USP4: variants seen among roughly 807,000 people sequenced by gnomAD.
USP4 encodes ubiquitin carboxyl-terminal hydrolase 4.
USP4 carries 72 observed loss-of-function variants against 118.2 expected under a neutral mutation model. The ratio of observed to expected loss-of-function variants is 0.61; its 90% CI spans 0.50 to 0.74. USP4 has a LOEUF of 0.74. Ranked by LOEUF, USP4 falls within the 30% of genes least tolerant of loss-of-function variation. USP4 has a pLI of 0.00. For missense variants in USP4, 1,037 were observed against 1,185.7 expected (o/e 0.87, Z 1.84); for synonymous variants, 415 against 440.4 (o/e 0.94, Z 0.72).
chr3:49,325,252 T>C (rs2047540399), intron 4 of USP4, among the ~76,000 whole-genome samples: 2 of 152,064 alleles, frequency 1.3e-5, no homozygotes, highest in African/African-American at 4.8e-5. Flanking sequence ...CTAACGTGTG[T>C]CTCTCATTTA....
intron 15 of USP4, among the ~76,000 whole-genome samples, chr3:49,288,116 C>T (rs2047118529): frequency 6.6e-6 from 1 of 152,200 alleles, no homozygotes; most frequent in Non-Finnish European, 1.5e-5. Flanking sequence ...ATGGAGGTTC[C>T]TTTCCGAACT....
chr3:49,315,738 C>T (rs925853136), intron 6 of USP4, among the ~76,000 whole-genome samples: 2 of 152,154 alleles, frequency 1.3e-5, no homozygotes, highest in Non-Finnish European at 2.9e-5. Context: ...ACAACTCAAA[C>T]GTGTGCCTGA....
intron 2 of USP4, among the ~76,000 whole-genome samples, chr3:49,330,840 C>T (rs1456786982): frequency 1.3e-5 from 2 of 151,334 alleles, no homozygotes; most frequent in Non-Finnish European, 1.5e-5. Flanking sequence ...GAAACCCCGT[C>T]TCTACTAAAA....
At chr3:49,279,446 A>C (rs984701345) in intron 20 of USP4, among the ~76,000 whole-genome samples, 1 of 149,740 alleles carries the variant, frequency 6.7e-6, no homozygotes, top group Non-Finnish European at 1.5e-5. Flanking sequence ...TCCATATCCA[A>C]AAAAAAAAAA....
At chr3:49,312,929 T>G (rs2107789449) in intron 6 of USP4, 1 of 144,788 alleles carries the variant, frequency 6.9e-6, no homozygotes, top group East Asian at 2.1e-4. Flanking sequence ...TCTCATTCTC[T>G]CGCCAGGCTG....
chr3:49,292,655 T>A (rs1220862460), intron 14 of USP4, 57 bp from the exon 15 acceptor site: 10 of 1,255,408 alleles, frequency 8.0e-6, no homozygotes, highest in Non-Finnish European at 9.9e-6. Flanking sequence ...CATTTATCTA[T>A]TTTTTCCACC....
At chr3:49,303,387 G>A (rs2047279809) in intron 9 of USP4, among the ~76,000 whole-genome samples, 1 of 142,522 alleles carries the variant, frequency 7.0e-6, no homozygotes, top group Non-Finnish European at 1.5e-5. Context: ...GCTGCAGTGA[G>A]CCGAAATTGT....
intron 6 of USP4, among the ~76,000 whole-genome samples, chr3:49,316,119 T>C (rs886822343): frequency 2.0e-5 from 3 of 151,832 alleles, no homozygotes; most frequent in Non-Finnish European, 4.4e-5. Context: ...GGAGAATCAC[T>C]TGAACCCGGG....
intron 14 of USP4, among the ~76,000 whole-genome samples, chr3:49,293,036 A>T (rs909779189): frequency 6.6e-6 from 1 of 152,010 alleles, no homozygotes; most frequent in African/African-American, 2.4e-5. Flanking sequence ...CTCAAAAAAT[A>T]AATAAAATAA....
rs757270865 is a variant in USP4 at position 49,277,233 on chromosome 3, G to A, written c.*1060C>T. ...CATCCAACGGTCATCGCATGCGCGT[G>A]CCCCGCGCAGGCCCCAAACCCCCAC... is the stretch of plus-strand genomic sequence containing the variant. On this transcript the variant is annotated 3_prime_UTR_variant, in exon 22 of 22. Coordinates refer to ENST00000265560, the MANE Select transcript of USP4 (RefSeq NM_003363.4). 54 of 1,314,498 alleles carry A rather than the reference G, an allele frequency of 4.1e-5. 1 individual carries two copies. Among genetic ancestry groups the A allele is most frequent in the Admixed American group, 1.4e-4 (6 of 44,206 alleles). 81.4% of individuals were successfully genotyped at this position (1,314,498 alleles called of 1,614,324 possible). A position where few individuals can be genotyped will look rare whatever the true frequency, so the allele number is the denominator to read the frequency against.
At chr3:49,334,525 A>G (rs140376185) in intron 2 of USP4, among the ~76,000 whole-genome samples, 9 of 152,270 alleles carry the variant, frequency 5.9e-5, no homozygotes, top group Non-Finnish European at 5.9e-5. Flanking sequence ...AGGTGGGAGG[A>G]TGGCTTGAGG....
rs751634259 is a variant in USP4 at position 49,324,665 on chromosome 3, A to G, written c.695+37T>C. On this transcript the variant is annotated intron_variant, in intron 6 of 21. Transcript: ENST00000265560. ...TTAGGAAAGACTGTCTCTTTTGCAC[A>G]TGTGAGCCTACAACAAGGGAGAAAA... The G allele has an allele frequency of 2.5e-6, 4 of 1,591,102 alleles. No homozygotes were observed. In the Admixed American group the frequency reaches 5.0e-5, roughly 20 times the overall value.
In USP4 at chr3:49,300,659, C is replaced by T. The variant is rs1202298059; in HGVS notation, c.1320G>A (p.Arg440=). Residue 440 remains arginine, a synonymous_variant, in exon 11 of 22, where the codon AGG becomes AGA. Transcript: ENST00000265560. The stretch of plus-strand genomic sequence containing the variant: ...CCACAATCACAGAATCATTCCTCAA[C>T]CTGTGATTCTCCCAGGCTTCCTTTG... The part of the protein sequence containing the change: ...VVAKEAWENH[R]LRNDSVIVDT... 3 of 1,614,172 alleles carry T rather than the reference C, an allele frequency of 1.9e-6. No homozygotes were observed. Among genetic ancestry groups the T allele is most frequent in the Admixed American group, 1.7e-5 (1 of 60,012 alleles).
rs2047720779 is a variant in USP4, at chr3:49,339,930, G to A, written c.95C>T (p.Ala32Val). 1 of 1,611,954 alleles carries A rather than the reference G, an allele frequency of 6.2e-7. No individual in the cohort carries two copies. Among genetic ancestry groups the A allele is most frequent in the Admixed American group, 1.7e-5 (1 of 59,948 alleles). Residue 32 changes from alanine (A) to valine (V), a missense_variant, in exon 1 of 22, where the codon GCG (alanine) becomes GTG (valine). Physicochemically the swap from Ala to Val is moderately conservative, Grantham distance 64. Around this residue, in one of 3 missense-constraint regions of USP4, gnomAD observed 487 missense variants for 534.1 expected, o/e 0.91. Transcript: ENST00000265560. Reference protein sequence around the residue: ...PLMRTTLQRGAQWYLIDSRWF... With the variant: ...PLMRTTLQRGVQWYLIDSRWF... ...GAGCGAGCCGGGAGCTCACCACTGC[G>A]CCCCGCGTTGGAGTGTGGTCCTCAT...
intron 6 of USP4, among the ~76,000 whole-genome samples, chr3:49,316,433 C>A (rs2047436706): frequency 6.6e-6 from 1 of 151,884 alleles, no homozygotes; most frequent in Non-Finnish European, 1.5e-5. Flanking sequence ...AATTCTCATG[C>A]CTCAGCCTCC....
intron 6 of USP4, among the ~76,000 whole-genome samples, chr3:49,320,863 T>A (rs1237194301): frequency 6.6e-6 from 1 of 152,176 alleles, no homozygotes. Flanking sequence ...AGTTTGCTAG[T>A]CGCCTCCTGC....
intron 1 of USP4, among the ~76,000 whole-genome samples, chr3:49,337,585 T>C (rs1184435682): frequency 6.6e-6 from 1 of 151,842 alleles, no homozygotes. Context: ...CATACCACCA[T>C]GCCTGGCTAA....
intron 14 of USP4, among the ~76,000 whole-genome samples, chr3:49,293,043 A>G (rs548828769): frequency 6.6e-6 from 1 of 152,176 alleles, no homozygotes; most frequent in African/African-American, 2.4e-5. Flanking sequence ...AATAAATAAA[A>G]TAAAATAAAA....
intron 12 of USP4, 35 bp downstream of exon 12, chr3:49,298,517 A>G (rs779469732): frequency 6.2e-7 from 1 of 1,606,482 alleles, no homozygotes; most frequent in Non-Finnish European, 8.5e-7. Context: ...GAAGTATCCC[A>G]AATAGACCGA....
Sources: allele counts gnomAD v4.1 joint callset (sites outside exome capture counted in the v4.1 genomes callset), GRCh38; gene constraint gnomAD v4.1.1; regional missense constraint gnomAD v4.1.1; transcripts MANE v1.5; gene names NCBI Gene and HGNC (gene_info 2026-07-23, HGNC 2026-07-21).